Variants in PIK3C2G observed in about 807,000 individuals in gnomAD.
The protein encoded by PIK3C2G is phosphatidylinositol-4-phosphate 3-kinase catalytic subunit type 2 gamma.
Under a neutral mutation model 181.1 loss-of-function variants are expected in PIK3C2G, and 168 were observed. The ratio of observed to expected loss-of-function variants is 0.93; its 90% confidence interval spans 0.82 to 1.05. PIK3C2G has a LOEUF of 1.05. Ranked by LOEUF, PIK3C2G falls within the 50% of genes least tolerant of loss-of-function variation. The probability of loss-of-function intolerance (pLI) is 0.00; values close to 1 mark genes in which losing one functional copy is unlikely to be tolerated. For synonymous variants in PIK3C2G, 573 were observed against 592.2 expected (o/e 0.97, Z 0.47); for missense variants, 1,869 against 1,732.8 (o/e 1.08, Z -1.40).
chr12:18,615,256 A>T (rs1202994618), intron 31 of PIK3C2G, among the ~76,000 whole-genome samples: 2 of 151,828 alleles, frequency 1.3e-5, no homozygotes, highest in Middle Eastern at 3.4e-3. Context: ...ACTTAAAATA[A>T]TGATCTCCAG....
intron 31 of PIK3C2G, among the ~76,000 whole-genome samples, chr12:18,615,322 T>C (rs1175811790): frequency 4.1e-5 from 6 of 145,696 alleles, no homozygotes; most frequent in Middle Eastern, 3.4e-3. Context: ...GGCTGAGTAG[T>C]ATTCCACGGT....
At chr12:18,559,815 TATATATAGAGAGAGAG>T (rs1200673946) in intron 26 of PIK3C2G, among the ~76,000 whole-genome samples, 7 of 24,494 alleles carry the variant, frequency 2.9e-4, no homozygotes, top group African/African-American at 4.5e-4. Context: ...TATATATATA[TATATATAGAGAGAGAG>T]AGAGAGAGAG....
chr12:18,631,884 A>G (rs935569998), intron 31 of PIK3C2G, among the ~76,000 whole-genome samples: 6 of 152,166 alleles, frequency 3.9e-5, no homozygotes, highest in African/African-American at 1.4e-4. Flanking sequence ...AGACATCCAG[A>G]TGGAAATATT....
chr12:18,427,422 G>C (rs1287245677), intron 18 of PIK3C2G, among the ~76,000 whole-genome samples: 1 of 149,544 alleles, frequency 6.7e-6, no homozygotes, highest in African/African-American at 2.5e-5. Flanking sequence ...CAGGAGAATT[G>C]CTGGAACCCG....
At chr12:18,373,684 C>G (rs1942230867) in intron 13 of PIK3C2G, among the ~76,000 whole-genome samples, 1 of 151,900 alleles carries the variant, frequency 6.6e-6, no homozygotes, top group Admixed American at 6.6e-5. Flanking sequence ...CCCGTATCTA[C>G]TAAAAAAATA....
At chr12:18,689,606 T>A in the PIK3C2G span, among the ~76,000 whole-genome samples, 1 of 152,238 alleles carries the variant, frequency 6.6e-6, no homozygotes, top group African/African-American at 2.4e-5. Context: ...AACAAATTTG[T>A]TTGTACAGGA....
intron 18 of PIK3C2G, among the ~76,000 whole-genome samples, chr12:18,467,473 AT>A (rs1046567731): frequency 6.8e-6 from 1 of 147,834 alleles, no homozygotes; most frequent in Non-Finnish European, 1.5e-5. Context: ...GTTTTACAAA[AT>A]TTTATTTACA....
chr12:18,549,091 G>C (rs1052607624), intron 26 of PIK3C2G, among the ~76,000 whole-genome samples: 4 of 151,938 alleles, frequency 2.6e-5, no homozygotes, highest in African/African-American at 9.7e-5. Context: ...TGATATTCTG[G>C]ACAGCTAGTA....
At chr12:18,581,624 T>C (rs1201512222) in intron 29 of PIK3C2G, among the ~76,000 whole-genome samples, 1 of 151,772 alleles carries the variant, frequency 6.6e-6, no homozygotes, top group Admixed American at 6.6e-5. Context: ...GAATGGAGAG[T>C]GGGGCAAGAA....
chr12:18,704,671 T>C, the PIK3C2G span, among the ~76,000 whole-genome samples: 2 of 152,022 alleles, frequency 1.3e-5, no homozygotes, highest in African/African-American at 4.8e-5. Flanking sequence ...AGAAGTGAAG[T>C]CCTGATGGTA....
chr12:18,418,399 T>C (rs767258366), intron 16 of PIK3C2G, among the ~76,000 whole-genome samples: 2 of 152,100 alleles, frequency 1.3e-5, no homozygotes, highest in Non-Finnish European at 2.9e-5. Context: ...GTAGAATATA[T>C]CAATGAGCCA....
intron 18 of PIK3C2G, among the ~76,000 whole-genome samples, chr12:18,424,255 G>A (rs1228874212): frequency 6.6e-6 from 1 of 152,084 alleles, no homozygotes; most frequent in African/African-American, 2.4e-5. Context: ...TGTTAATCAG[G>A]AAGTTAAATC....
At chr12:18,462,243 A>G (rs573067973) in intron 18 of PIK3C2G, among the ~76,000 whole-genome samples, 1 of 152,320 alleles carries the variant, frequency 6.6e-6, no homozygotes, top group Admixed American at 6.5e-5. Flanking sequence ...ACAGTCTGTT[A>G]GCTAATCCTT....
intron 26 of PIK3C2G, among the ~76,000 whole-genome samples, chr12:18,561,448 C>A (rs1456175547): frequency 2.6e-5 from 4 of 152,084 alleles, no homozygotes; most frequent in African/African-American, 9.7e-5. Context: ...CACTGTATTC[C>A]AGCCTGGGTG....
chr12:18,456,497 G>A (rs1947637534), intron 18 of PIK3C2G, among the ~76,000 whole-genome samples: 1 of 152,106 alleles, frequency 6.6e-6, no homozygotes, highest in Non-Finnish European at 1.5e-5. Flanking sequence ...TTTACATAGG[G>A]CACAAGAGAT....
intron 13 of PIK3C2G, among the ~76,000 whole-genome samples, chr12:18,374,910 A>G (rs543599321): frequency 6.6e-6 from 1 of 152,268 alleles, no homozygotes; most frequent in African/African-American, 2.4e-5. Context: ...AAGCTTCTTG[A>G]GACCTCCCCA....
chr12:18,650,085 G>C (rs1308283010), downstream of PIK3C2G, among the ~76,000 whole-genome samples: 1 of 151,956 alleles, frequency 6.6e-6, no homozygotes, highest in Non-Finnish European at 1.5e-5. Context: ...CCAGATTCCA[G>C]AGATGAGTAA....
chr12:18,258,575 C>T (rs1948171544), upstream of PIK3C2G, among the ~76,000 whole-genome samples: 1 of 151,162 alleles, frequency 6.6e-6, no homozygotes, highest in African/African-American at 2.4e-5. Flanking sequence ...AAGATAATGC[C>T]CTCCGGATCA....
intron 18 of PIK3C2G, among the ~76,000 whole-genome samples, chr12:18,469,484 T>C (rs567406069): frequency 2.0e-5 from 3 of 152,256 alleles, no homozygotes; most frequent in Non-Finnish European, 4.4e-5. Context: ...ACATGCTGAA[T>C]ATGCTCAAAT....
Sources: gnomAD v4.1 joint callset for allele counts (sites outside exome capture counted in the v4.1 genomes callset) on GRCh38, gnomAD v4.1.1 for gene constraint, MANE v1.5 for transcripts, NCBI Gene and HGNC (gene_info 2026-07-23, HGNC 2026-07-21) for gene names.